The following YIPF1 variants were observed in gnomAD, a reference collection of about 807,000 sequenced individuals.
The protein encoded by YIPF1 is Yip1 domain family member 1, also known as protein YIPF1.
In YIPF1, 22 loss-of-function variants were observed where a neutral mutation model predicts 37.0. The ratio of observed to expected loss-of-function variants is 0.59; its 90% CI spans 0.42 to 0.85. The LOEUF (loss-of-function observed/expected upper bound fraction) is 0.85, where lower values mean the gene tolerates loss of function less well. Ranked by LOEUF, YIPF1 falls within the 40% of genes least tolerant of loss-of-function variation. YIPF1 has a pLI of 0.00. For missense variants in YIPF1, 355 were observed against 373.1 expected, an observed-to-expected ratio of 0.95 and a Z score of 0.40; for synonymous variants, 128 against 131.9, an observed-to-expected ratio of 0.97 and a Z score of 0.21.
chr1:53,884,428 C>T (rs572742359), intron 3 of YIPF1, among the ~76,000 whole-genome samples: 13 of 152,214 alleles, frequency 8.5e-5, no homozygotes, highest in Admixed American at 3.3e-4. Context: ...GAACATGATA[C>T]TATAATTAAT....
intron 10 of YIPF1, among the ~76,000 whole-genome samples, chr1:53,858,176 C>G (rs1649773988): frequency 6.6e-6 from 1 of 152,036 alleles, no homozygotes; most frequent in African/African-American, 2.4e-5. Context: ...TCTAACATCG[C>G]ATACCCATGA....
At chr1:53,877,034 A>G (rs1193737887) in intron 6 of YIPF1, among the ~76,000 whole-genome samples, 11 of 152,206 alleles carry the variant, frequency 7.2e-5, no homozygotes, top group Non-Finnish European at 1.0e-4. Context: ...CTTCTTCCTC[A>G]TTGGGGCTAG....
chr1:53,870,160 CTTTTTTTTTT>C lies in YIPF1; in HGVS notation c.481+1202_481+1211del, dbSNP rs753978320. On this transcript the variant is annotated intron_variant, in intron 7 of 10. Coordinates refer to ENST00000072644, the MANE Select transcript of YIPF1 (RefSeq NM_018982.5). ...AGGCTTGAGCCACCGCACCGGGTCTCTTTTTTTTTTTTTTTTTTTTTTTTTTTTTGAGACA... is the reference window on the plus strand; with the variant it reads ...AGGCTTGAGCCACCGCACCGGGTCTCTTTTTTTTTTTTTTTTTTTGAGACA... Among the ~76,000 whole-genome samples the C allele has an allele frequency of 1.6e-3, 142 of 91,206 alleles. 2 individuals are homozygous for C. Among genetic ancestry groups the C allele is most frequent in the African/African-American group, 5.0e-3 (113 of 22,610 alleles). 59.8% of individuals were successfully genotyped at this position (91,206 alleles called of 152,430 possible). A position where few individuals can be genotyped will look rare whatever the true frequency, so the allele number is the denominator to read the frequency against.
chr1:53,871,372 CT>C lies in YIPF1; in HGVS notation c.480del (p.Val161CysfsTer3). ...KTYHYVPEFRKVSIAATIIYA... is the reference protein window; with the variant it reads ...KTYHYVPEFRXVSIAATIIYA... The stretch of plus-strand genomic sequence containing the variant: ...CAAATGAGTCAAGCTATTCACCAAC[CT>C]TTTCGGAATTCGGGCACATAATGGT... On this transcript the variant is annotated frameshift_variant and splice_region_variant, in exon 7 of 11. Transcript: ENST00000072644. LOFTEE classifies it high-confidence loss of function. 6.2e-7 allele frequency: 1 copy of C among 1,613,040 alleles called. No individual in the cohort carries two copies. The highest frequency in any genetic ancestry group is 1.3e-5 in the African/African-American group (1 of 74,982).
chr1:53,875,028 T>G (rs1176128501), intron 6 of YIPF1, among the ~76,000 whole-genome samples: 1 of 152,192 alleles, frequency 6.6e-6, no homozygotes, highest in East Asian at 1.9e-4. Context: ...TTGTTCCATA[T>G]ATATGTGAAT....
At chr1:53,882,938 C>T (rs1358626885) in intron 4 of YIPF1, 175 bp downstream of exon 4, 2 of 606,452 alleles carry the variant, frequency 3.3e-6, no homozygotes, top group Non-Finnish European at 5.2e-6. Flanking sequence ...CACAAGTGTA[C>T]TTACGGAAAG....
chr1:53,871,633 A>AC (rs1553154519), intron 6 of YIPF1, 145 bp from the exon 7 acceptor site: 1 of 645,194 alleles, frequency 1.5e-6, no homozygotes, highest in East Asian at 2.9e-5. Flanking sequence ...CTGAAGGGAA[A>AC]TTTTTTTTTC....
rs141018554 is a variant in YIPF1, at chr1:53,877,483, A to G, written c.364+832T>C. ...CAGTCTTTGGTACAGCACCTGGCAC[A>G]CGGACAGCACTCTCTTCTCCCCTCA... On this transcript the variant is annotated intron_variant, in intron 6 of 10. Transcript: ENST00000072644. Among the ~76,000 whole-genome samples the G allele has an allele frequency of 4.3e-3, 660 of 152,310 alleles. 4 individuals carry two copies. Among genetic ancestry groups the G allele is most frequent in the African/African-American group, 0.015 (626 of 41,570 alleles).
chr1:53,865,521 T>C (rs1649996017), intron 9 of YIPF1, among the ~76,000 whole-genome samples: 1 of 152,182 alleles, frequency 6.6e-6, no homozygotes, highest in Non-Finnish European at 1.5e-5. Flanking sequence ...AGGATGTCTG[T>C]ACACCATTTT....
intron 3 of YIPF1, 41 bp downstream of exon 3, chr1:53,888,866 C>T (rs1201442201): frequency 1.3e-6 from 2 of 1,539,004 alleles, no homozygotes; most frequent in Non-Finnish European, 1.8e-6. Flanking sequence ...ACTGTAGCAA[C>T]AGTGATCATA....
chr1:53,860,560 T>C (rs1023680150), intron 9 of YIPF1, among the ~76,000 whole-genome samples: 1 of 152,192 alleles, frequency 6.6e-6, no homozygotes, highest in African/African-American at 2.4e-5. Flanking sequence ...CACAACATTA[T>C]ACAGTCTTTC....
At chr1:53,853,680 A>G (rs1411297821) in intron 10 of YIPF1, among the ~76,000 whole-genome samples, 1 of 152,230 alleles carries the variant, frequency 6.6e-6, no homozygotes, top group Non-Finnish European at 1.5e-5. Flanking sequence ...CTGGCTCAAG[A>G]AAAGAGAAAC....
At chr1:53,864,017 T>C (rs948366423) in intron 9 of YIPF1, among the ~76,000 whole-genome samples, 5 of 152,138 alleles carry the variant, frequency 3.3e-5, no homozygotes, top group African/African-American at 9.7e-5. Context: ...GCTGGGATTA[T>C]AGGCGAGAGC....
chr1:53,881,589 G>A (rs1650503377), intron 4 of YIPF1, among the ~76,000 whole-genome samples: 1 of 152,094 alleles, frequency 6.6e-6, no homozygotes, highest in Admixed American at 6.6e-5. Context: ...AGACATACAT[G>A]TGGCCAAAAA....
chr1:53,881,668 C>G (rs1650505338), intron 4 of YIPF1, among the ~76,000 whole-genome samples: 1 of 152,190 alleles, frequency 6.6e-6, no homozygotes, highest in Admixed American at 6.5e-5. Context: ...GACACCATAT[C>G]ATGCCAGTCA....
At chr1:53,867,054 T>C (rs1020211911) in intron 7 of YIPF1, 130 bp from the exon 8 acceptor site, 1 of 1,096,764 alleles carries the variant, frequency 9.1e-7, no homozygotes, top group Non-Finnish European at 1.3e-6. Context: ...AATCATGTCT[T>C]ACTGGTCTGT....
At position 53,860,470 on chromosome 1, in the gene YIPF1, A is replaced by T. The variant is rs889500578; in HGVS notation, c.832-317T>A. ...TAAGGCTCAGAGAGACTGTCATTTG[A>T]TCAGGTGAACATGGCTAATGAGTGG... On this transcript the variant is annotated intron_variant, in intron 9 of 10. Coordinates refer to ENST00000072644, the MANE Select transcript of YIPF1 (RefSeq NM_018982.5). Among the ~76,000 whole-genome samples, 5 of 152,236 alleles carry T rather than the reference A, an allele frequency of 3.3e-5. No individual in the cohort carries two copies. The East Asian group carries it at 5.8e-4, about 18-fold the overall frequency.
intron 10 of YIPF1, among the ~76,000 whole-genome samples, chr1:53,853,977 T>C (rs1649659052): frequency 6.6e-6 from 1 of 152,148 alleles, no homozygotes; most frequent in African/African-American, 2.4e-5. Flanking sequence ...CAGGTAGGCA[T>C]GGTGACTCAT....
chr1:53,861,770 TTG>T (rs1177987612), intron 9 of YIPF1, among the ~76,000 whole-genome samples: 2 of 151,882 alleles, frequency 1.3e-5, no homozygotes, highest in Non-Finnish European at 2.9e-5. Flanking sequence ...TCTCAGCACT[TTG>T]GGAGGCCAAG....
Sources: gnomAD v4.1 joint callset for allele counts (sites outside exome capture counted in the v4.1 genomes callset) on GRCh38, gnomAD v4.1.1 for gene constraint, MANE v1.5 for transcripts, NCBI Gene and HGNC (gene_info 2026-07-23, HGNC 2026-07-21) for gene names.